The following POC1B variants were observed in gnomAD, a reference collection of about 807,000 sequenced individuals.
POC1B encodes POC1 centriolar protein homolog B.
In POC1B, 44 loss-of-function variants were observed where a neutral mutation model predicts 60.6. The observed-to-expected ratio is 0.73, with a 90% CI of 0.57 to 0.93. POC1B has a LOEUF of 0.93. Among genes scored for constraint, POC1B ranks in the 40% least tolerant of loss-of-function variants. The pLI is 0.00. For missense variants in POC1B, 555 were observed against 572.3 expected (o/e 0.97, Z 0.31); for synonymous variants, 180 against 198.9 (o/e 0.90, Z 0.80).
chr12:89,471,518 C>G (rs1192453531), intron 6 of POC1B, 96 bp downstream of exon 6: 1 of 964,564 alleles, frequency 1.0e-6, no homozygotes, highest in Admixed American at 2.1e-5. Context: ...AGCCCATGAC[C>G]CCAAGTAAGA....
In POC1B at chr12:89,497,170, C is replaced by T; in HGVS notation, c.272+1G>A. 1.9e-6 allele frequency: 3 copies of T among 1,611,104 alleles called. No individual in the cohort carries two copies. The highest frequency in any genetic ancestry group is 2.5e-6 in the Non-Finnish European group (3 of 1,178,830). ...ATCAAGTGTTTCTTTGTTTCTCTTA[C>T]TTATCAGGAATCCAGAGTCTCACGG... is the stretch of plus-strand genomic sequence containing the variant. On this transcript the variant is annotated splice_donor_variant, in intron 3 of 11. Transcript: ENST00000313546. LOFTEE classifies it high-confidence loss of function.
At chr12:89,523,548 C>T in intron 2 of POC1B, 1 of 1,600,356 alleles carries the variant, frequency 6.2e-7, no homozygotes, top group Non-Finnish European at 8.5e-7. Flanking sequence ...TTTCACCTCC[C>T]CACACTTCCA....
At position 89,509,738 on chromosome 12, in the gene POC1B, G is replaced by A. The variant is rs57525101; in HGVS notation, c.101-12396C>T. Among the ~76,000 whole-genome samples the A allele has an allele frequency of 6.8e-3, 1,033 of 152,198 alleles. 12 individuals are homozygous for A. Among genetic ancestry groups the A allele is most frequent in the African/African-American group, 0.024 (996 of 41,512 alleles). Reference sequence around the variant, plus strand: ...TCTCTTTTCCCACAATAAGAAACCTGGCTCCCATGCTCAATATATCTTTGC... The same window carrying A: ...TCTCTTTTCCCACAATAAGAAACCTAGCTCCCATGCTCAATATATCTTTGC... On this transcript the variant is annotated intron_variant, in intron 2 of 11. Transcript: ENST00000313546.
intron 10 of POC1B, among the ~76,000 whole-genome samples, chr12:89,443,026 A>C (rs1279562793): frequency 6.6e-6 from 1 of 152,266 alleles, no homozygotes; most frequent in Non-Finnish European, 1.5e-5. Flanking sequence ...ATAATGGTCA[A>C]GGGATCAATC....
chr12:89,412,689 A>G, the POC1B span, among the ~76,000 whole-genome samples: 2 of 152,038 alleles, frequency 1.3e-5, no homozygotes, highest in Non-Finnish European at 2.9e-5. Context: ...AAAAAAAAAA[A>G]AGTTTTTAAT....
chr12:89,497,333 G>A lies in POC1B; in HGVS notation c.110C>T (p.Ser37Phe). The change falls in exon 3 of 12, where the codon TCT becomes TTT. Residue 37 changes from serine to phenylalanine, a missense_variant. Physicochemically the swap from Ser to Phe is radical, Grantham distance 155. Transcript: ENST00000313546. ...CCATAGCATGAGAAAGGTATCCCAAGAAGCAGTAGCTATCAAGAAATAGAA... is the reference window on the plus strand; with the variant it reads ...CCATAGCATGAGAAAGGTATCCCAAAAAGCAGTAGCTATCAAGAAATAGAA... ...SPNGKQLATASWDTFLMLWNF... is the reference protein window; with the variant it reads ...SPNGKQLATAFWDTFLMLWNF... 1 of 1,611,418 alleles carries A rather than the reference G, an allele frequency of 6.2e-7. No individual in the cohort carries two copies. The highest frequency in any genetic ancestry group is 8.5e-7 in the Non-Finnish European group (1 of 1,179,358).
At chr12:89,440,785 G>A (rs974969183) in intron 10 of POC1B, among the ~76,000 whole-genome samples, 1 of 152,230 alleles carries the variant, frequency 6.6e-6, no homozygotes, top group Non-Finnish European at 1.5e-5. Context: ...GACAGTGGGT[G>A]CAGCCCACAG....
At chr12:89,470,941 G>A (rs1882865460) in intron 6 of POC1B, among the ~76,000 whole-genome samples, 1 of 152,170 alleles carries the variant, frequency 6.6e-6, no homozygotes, top group Non-Finnish European at 1.5e-5. Flanking sequence ...CTTCCAACAG[G>A]AGGCAGTATA....
At position 89,486,557 on chromosome 12, in the gene POC1B, C is replaced by T. The variant is rs149231589; in HGVS notation, c.452+5379G>A. ...AAGATAGGAGGGCAGTGCACACACA[C>T]GCCAGGACAAGGAGTCACTGAGGGG... On this transcript the variant is annotated intron_variant, in intron 4 of 11. Transcript: ENST00000313546. Among the ~76,000 whole-genome samples the T allele has an allele frequency of 7.2e-5, 11 of 152,254 alleles. No individual in the cohort carries two copies. In the East Asian group the frequency reaches 1.4e-3, roughly 19 times the overall value.
the POC1B span, among the ~76,000 whole-genome samples, chr12:89,410,158 A>G: frequency 2.0e-5 from 3 of 152,228 alleles, no homozygotes; most frequent in Non-Finnish European, 4.4e-5. Flanking sequence ...AACATATTCA[A>G]ATCAATAAAT....
chr12:89,491,940 C>A lies in POC1B; in HGVS notation c.448G>T (p.Ala150Ser). Reference protein sequence around the residue: ...LYRHTHWVRCAKFSPDGRLIV... With the variant: ...LYRHTHWVRCSKFSPDGRLIV... ...TATGAAATTTTTTGCACTTACTTGG[C>A]ACAGCGTACCCAGTGTGTATGTCGA... The change falls in exon 4 of 12, where the codon GCC becomes TCC. Residue 150 changes from alanine (A) to serine (S), a missense_variant. Transcript: ENST00000313546. The A allele has an allele frequency of 6.7e-7, 1 of 1,503,658 alleles. No individual in the cohort carries two copies. Among genetic ancestry groups the A allele is most frequent in the Non-Finnish European group, 8.9e-7 (1 of 1,125,350 alleles). The allele number at this position is 1,503,658 out of a possible 1,614,324, so 93.1% of individuals were successfully genotyped here.
At chr12:89,433,631 G>C (rs929499559) in intron 10 of POC1B, among the ~76,000 whole-genome samples, 5 of 152,244 alleles carry the variant, frequency 3.3e-5, no homozygotes, top group African/African-American at 1.2e-4. Context: ...CAGGAGGCTT[G>C]CTGGATGGAC....
chr12:89,495,408 C>A (rs1297067657), intron 3 of POC1B, among the ~76,000 whole-genome samples: 4 of 152,182 alleles, frequency 2.6e-5, no homozygotes, highest in African/African-American at 9.7e-5. Flanking sequence ...CACTTCTCTT[C>A]AATAGTTTTC....
intron 4 of POC1B, among the ~76,000 whole-genome samples, chr12:89,481,481 A>G (rs1395934218): frequency 6.6e-6 from 1 of 152,198 alleles, no homozygotes; most frequent in Non-Finnish European, 1.5e-5. Context: ...TCTAAATCTT[A>G]GTACATGGAA....
chr12:89,449,535 C>A (rs997144615), intron 10 of POC1B, among the ~76,000 whole-genome samples: 13 of 152,078 alleles, frequency 8.5e-5, no homozygotes, highest in African/African-American at 3.1e-4. Context: ...AAACAATTCC[C>A]TAAATATAAT....
intron 2 of POC1B, among the ~76,000 whole-genome samples, chr12:89,498,838 CAAAT>C (rs1204396905): frequency 3.3e-5 from 5 of 151,936 alleles, no homozygotes; most frequent in African/African-American, 4.8e-5. Context: ...TAAACAAAAG[CAAAT>C]AAGATACAAT....
intron 4 of POC1B, among the ~76,000 whole-genome samples, chr12:89,481,802 C>T (rs75805020): frequency 1.5e-4 from 23 of 152,164 alleles, no homozygotes; most frequent in African/African-American, 5.3e-4. Context: ...GATGCTCAAG[C>T]TCTGACCAGC....
the POC1B span, among the ~76,000 whole-genome samples, chr12:89,401,478 ATT>A: frequency 7.4e-6 from 1 of 136,018 alleles, no homozygotes. Flanking sequence ...TGCCTTTTTC[ATT>A]TTTTTTTTTA....
At position 89,462,899 on chromosome 12, in the gene POC1B, C is replaced by CATT. The variant is rs561233176; in HGVS notation, c.1033-3184_1033-3182dup. Among the ~76,000 whole-genome samples, 447 of 152,044 alleles carry CATT rather than the reference C, an allele frequency of 2.9e-3. 3 individuals are homozygous for CATT. The highest frequency in any genetic ancestry group is 0.011 in the African/African-American group (439 of 41,466). ...TTAGACTTTATCATCATGTAATGAA[C>CATT]ATTTACTGAGGCCTGAAACAGTATA... is the stretch of plus-strand genomic sequence containing the variant. On this transcript the variant is annotated intron_variant, in intron 9 of 11. Coordinates refer to ENST00000313546, the MANE Select transcript of POC1B (RefSeq NM_172240.3).
Sources: gnomAD v4.1 joint callset for allele counts (sites outside exome capture counted in the v4.1 genomes callset) on GRCh38, gnomAD v4.1.1 for gene constraint, MANE v1.5 for transcripts, NCBI Gene and HGNC (gene_info 2026-07-23, HGNC 2026-07-21) for gene names.